Variants in LRMDA observed in about 807,000 individuals in gnomAD.
LRMDA encodes leucine-rich melanocyte differentiation-associated protein.
Under a neutral mutation model 29.8 loss-of-function variants are expected in LRMDA, and 18 were observed. The ratio of observed to expected loss-of-function variants is 0.60; its 90% CI spans 0.42 to 0.90. The LOEUF is 0.90. Ranked by LOEUF, LRMDA falls within the 40% of genes least tolerant of loss-of-function variation. The probability of loss-of-function intolerance (pLI) is 0.00; values close to 1 mark genes in which losing one functional copy is unlikely to be tolerated. For missense variants in LRMDA, 273 were observed against 273.9 expected, an observed-to-expected ratio of 1.00 and a Z score of 0.02; for synonymous variants, 125 against 109.4, an observed-to-expected ratio of 1.14 and a Z score of -0.89.
chr10:75,948,979 G>A (rs765288469), intron 2 of LRMDA, among the ~76,000 whole-genome samples: 4 of 151,856 alleles, frequency 2.6e-5, no homozygotes, highest in Non-Finnish European at 5.9e-5. Flanking sequence ...GCTTTTCCCT[G>A]CATACACTTC....
At chr10:75,665,407 C>T (rs186575217) in intron 2 of LRMDA, among the ~76,000 whole-genome samples, 7 of 152,234 alleles carry the variant, frequency 4.6e-5, no homozygotes, top group Admixed American at 4.6e-4. Flanking sequence ...ATAATGTCCT[C>T]ATTCATTATT....
intron 5 of LRMDA, among the ~76,000 whole-genome samples, chr10:76,132,311 A>G (rs1020356221): frequency 1.3e-5 from 2 of 152,130 alleles, no homozygotes; most frequent in Non-Finnish European, 2.9e-5. Context: ...TTCAGAGGAG[A>G]TGGTGTAGTG....
intron 6 of LRMDA, among the ~76,000 whole-genome samples, chr10:76,467,062 A>G (rs1842571656): frequency 6.6e-6 from 1 of 152,214 alleles, no homozygotes; most frequent in Non-Finnish European, 1.5e-5. Flanking sequence ...CTGCAACTCA[A>G]TAAATCTAAG....
At chr10:76,086,195 A>G (rs1325862910) in intron 5 of LRMDA, among the ~76,000 whole-genome samples, 1 of 152,166 alleles carries the variant, frequency 6.6e-6, no homozygotes, top group Non-Finnish European at 1.5e-5. Flanking sequence ...GGCGCCTGCT[A>G]AGTGGGGTGA....
chr10:75,661,063 C>A (rs1050812331), intron 2 of LRMDA, among the ~76,000 whole-genome samples: 1 of 152,170 alleles, frequency 6.6e-6, no homozygotes, highest in Non-Finnish European at 1.5e-5. Context: ...CCCAGGCAGA[C>A]AGGGAATGCC....
intron 2 of LRMDA, among the ~76,000 whole-genome samples, chr10:75,963,511 A>G (rs533184632): frequency 1.3e-5 from 2 of 152,206 alleles, no homozygotes; most frequent in Non-Finnish European, 1.5e-5. Context: ...TACAATAACC[A>G]GGGGTCCTTG....
intron 6 of LRMDA, among the ~76,000 whole-genome samples, chr10:76,408,541 G>T (rs1841925945): frequency 6.6e-6 from 1 of 152,066 alleles, no homozygotes; most frequent in Non-Finnish European, 1.5e-5. Context: ...AACCAGACTT[G>T]GTCCTTCAGG....
chr10:75,826,918 C>G (rs961987250), intron 2 of LRMDA, among the ~76,000 whole-genome samples: 1 of 152,026 alleles, frequency 6.6e-6, no homozygotes, highest in African/African-American at 2.4e-5. Flanking sequence ...TGAAAAACAT[C>G]TCTTGTGAGC....
intron 5 of LRMDA, among the ~76,000 whole-genome samples, chr10:76,095,022 A>G (rs1849292005): frequency 1.3e-5 from 2 of 152,210 alleles, no homozygotes; most frequent in African/African-American, 4.8e-5. Flanking sequence ...GTAGAGTTCC[A>G]TGAAATTAAC....
intron 6 of LRMDA, among the ~76,000 whole-genome samples, chr10:76,503,951 T>A (rs945838475): frequency 2.1e-4 from 32 of 151,746 alleles, no homozygotes; most frequent in African/African-American, 7.0e-4. Flanking sequence ...AACTTCTTGA[T>A]GAAGGTGTTT....
intron 2 of LRMDA, among the ~76,000 whole-genome samples, chr10:75,796,243 C>G (rs1390137298): frequency 2.0e-5 from 3 of 152,122 alleles, no homozygotes; most frequent in Non-Finnish European, 4.4e-5. Flanking sequence ...GAGGTGAGAA[C>G]AGACATCTTT....
intron 5 of LRMDA, among the ~76,000 whole-genome samples, chr10:76,148,781 G>C (rs1335526852): frequency 2.0e-5 from 3 of 152,154 alleles, no homozygotes; most frequent in Admixed American, 6.5e-5. Flanking sequence ...CTTCTGTGTT[G>C]CTCACGCTCG....
intron 2 of LRMDA, among the ~76,000 whole-genome samples, chr10:75,583,052 A>G (rs1840614177): frequency 6.6e-6 from 1 of 152,208 alleles, no homozygotes; most frequent in Admixed American, 6.5e-5. Flanking sequence ...CCATATAACT[A>G]TCAGCATTTA....
chr10:76,134,162 C>T (rs983092478), intron 5 of LRMDA, among the ~76,000 whole-genome samples: 1 of 152,066 alleles, frequency 6.6e-6, no homozygotes, highest in Non-Finnish European at 1.5e-5. Flanking sequence ...TGTAACCATC[C>T]CTGACAAAGA....
At chr10:75,690,003 A>C (rs1428153456) in intron 2 of LRMDA, among the ~76,000 whole-genome samples, 1 of 152,162 alleles carries the variant, frequency 6.6e-6, no homozygotes, top group Non-Finnish European at 1.5e-5. Flanking sequence ...TTTCCTCTAC[A>C]ACCTGCATGC....
At position 76,344,304 on chromosome 10, in the gene LRMDA, G is replaced by T. The variant is rs79458403; in HGVS notation, c.601+19819G>T. On this transcript the variant is annotated intron_variant, in intron 6 of 6. Coordinates refer to ENST00000611255, the MANE Select transcript of LRMDA (RefSeq NM_001305581.2). ...AAAGCAACATAAAAGATAATAAATT[G>T]GGAATATTATAATCAAACATTAACA... 8.3e-3 allele frequency among the ~76,000 whole-genome samples: 1,260 copies of T among 151,874 alleles called. 37 individuals carry two copies. The East Asian group carries it at 0.096, about 12-fold the overall frequency.
intron 6 of LRMDA, among the ~76,000 whole-genome samples, chr10:76,367,291 T>G (rs894157389): frequency 6.6e-6 from 1 of 152,214 alleles, no homozygotes; most frequent in Admixed American, 6.5e-5. Flanking sequence ...GAGGGTTCCT[T>G]CTTTCTCTAT....
chr10:76,158,143 T>G (rs1462945962), intron 5 of LRMDA, among the ~76,000 whole-genome samples: 4 of 152,286 alleles, frequency 2.6e-5, no homozygotes, highest in South Asian at 2.1e-4. Flanking sequence ...CATCATAGAC[T>G]ATCTATAACT....
intron 2 of LRMDA, among the ~76,000 whole-genome samples, chr10:75,794,309 C>T (rs995691187): frequency 6.6e-6 from 1 of 152,118 alleles, no homozygotes; most frequent in African/African-American, 2.4e-5. Flanking sequence ...AAAACTATCC[C>T]ATTTTATGAA....
Sources: allele counts gnomAD v4.1 joint callset (sites outside exome capture counted in the v4.1 genomes callset), GRCh38; gene constraint gnomAD v4.1.1; transcripts MANE v1.5; gene names NCBI Gene and HGNC (gene_info 2026-07-23, HGNC 2026-07-21).